ZNF324: variants seen among roughly 807,000 people sequenced by gnomAD.
ZNF324 encodes the protein zinc finger protein 324.
In ZNF324, 3 loss-of-function variants were observed where a neutral mutation model predicts 10.3. That is an observed-to-expected ratio of 0.29 (90% CI 0.13 to 0.75). ZNF324 has a LOEUF of 0.75. ZNF324 is among the 30% of genes least tolerant of loss of function. ZNF324 has a pLI of 0.69. For missense variants in ZNF324, 763 were observed against 784.4 expected (o/e 0.97, Z 0.33); for synonymous variants, 430 against 339.5 (o/e 1.27, Z -2.93).
chr19:58,469,324 C>G lies in ZNF324; in HGVS notation c.121+18C>G. On this transcript the variant is annotated intron_variant, in intron 2 of 3. Transcript: ENST00000196482. ...CTCGCTGGGTAAGGTCCTAGATACTCCATGAAATGGGCAACTGATAACAAG... is the reference window on the plus strand; with the variant it reads ...CTCGCTGGGTAAGGTCCTAGATACTGCATGAAATGGGCAACTGATAACAAG... 1 of 1,609,836 alleles carries G rather than the reference C, an allele frequency of 6.2e-7. No individual in the cohort carries two copies. Among genetic ancestry groups the G allele is most frequent in the Non-Finnish European group, 8.5e-7 (1 of 1,178,034 alleles).
chr19:58,470,565 G>A (rs1204719623), intron 3 of ZNF324, 166 bp from the exon 4 acceptor site: 5 of 824,086 alleles, frequency 6.1e-6, no homozygotes, highest in Non-Finnish European at 1.0e-5. Context: ...TATCAGGGCA[G>A]ATTGTTCCTC....
chr19:58,470,655 T>C, intron 3 of ZNF324, 76 bp from the exon 4 acceptor site: 2 of 1,589,810 alleles, frequency 1.3e-6, no homozygotes, highest in Non-Finnish European at 1.7e-6. Context: ...GGGTTCCTTC[T>C]TGCCTGTCCA....
In ZNF324 at chr19:58,469,211, A is replaced by G; in HGVS notation, c.26A>G (p.Tyr9Cys). Reference protein sequence around the residue: MAFEDVAVYFSQEEWGLLD... With the variant: MAFEDVAVCFSQEEWGLLD... ...ATGGCCTTTGAGGATGTGGCTGTGTACTTCTCCCAGGAGGAGTGGGGGCTC... is the reference window on the plus strand; with the variant it reads ...ATGGCCTTTGAGGATGTGGCTGTGTGCTTCTCCCAGGAGGAGTGGGGGCTC... Residue 9 changes from tyrosine to cysteine, a missense_variant, in exon 2 of 4, where the codon TAC becomes TGC. Tyr to Cys is a radical substitution (Grantham distance 194). Coordinates refer to ENST00000196482, the MANE Select transcript of ZNF324 (RefSeq NM_014347.3). The G allele has an allele frequency of 6.2e-7, 1 of 1,614,092 alleles. No individual in the cohort carries two copies. The highest frequency in any genetic ancestry group is 2.2e-5 in the East Asian group (1 of 44,856).
Position 58,470,725 on chromosome 19 carries a change from C to T in ZNF324, c.239-6C>T, listed in dbSNP as rs772931807. 8 of 1,611,624 alleles carry T rather than the reference C, an allele frequency of 5.0e-6. No homozygotes were observed. The highest frequency in any genetic ancestry group is 6.8e-6 in the Non-Finnish European group (8 of 1,179,860). ...CCCCAGGCAACCACTGTTTCTCTGC[C>T]TTTAGGTTCCTGGAGTTTGACAGAG... On this transcript the variant is annotated splice_polypyrimidine_tract_variant and splice_region_variant and intron_variant, in intron 3 of 3. Transcript: ENST00000196482.
chr19:58,472,444 AGCACT>A lies in ZNF324; in HGVS notation c.*297_*301del, dbSNP rs1459975485. On this transcript the variant is annotated 3_prime_UTR_variant, in exon 4 of 4. Coordinates refer to ENST00000196482, the MANE Select transcript of ZNF324 (RefSeq NM_014347.3). ...GAGCCAGTAGGAGGCCGACAGTCAC[AGCACT>A]GCACTGTGGTGCGGCTTCATGTGAT... is the stretch of plus-strand genomic sequence containing the variant. The A allele has an allele frequency of 2.2e-6, 1 of 460,724 alleles. No individual in the cohort carries two copies. Among genetic ancestry groups the A allele is most frequent in the African/African-American group, 1.9e-5 (1 of 51,664 alleles). The allele number at this position is 460,724 out of a possible 1,614,324, so 28.5% of individuals were successfully genotyped here.
In ZNF324 at chr19:58,472,383, G is replaced by C; in HGVS notation, c.*229G>C. ...ACTGCAGCAACATCAGGGGGAGGAC[G>C]TGGTGGCTGAACTCTAGTGGGGCCG... On this transcript the variant is annotated 3_prime_UTR_variant, in exon 4 of 4. Transcript: ENST00000196482. The C allele has an allele frequency of 1.8e-6, 1 of 561,668 alleles. No homozygotes were observed. The highest frequency in any genetic ancestry group is 3.1e-6 in the Non-Finnish European group (1 of 319,318). The allele number at this position is 561,668 out of a possible 1,614,324, so 34.8% of individuals were successfully genotyped here.
In ZNF324 at chr19:58,471,005, C is replaced by T. The variant is rs146787311; in HGVS notation, c.513C>T (p.Gly171=). ...CCTCCCCGCTTAGGCCTCCCGAGGG[C>T]GTCCGGCTTAGAGAAAAGACACTCA... The part of the protein sequence containing the change: ...RLTSPLRPPE[G]VRLREKTLTE... The change falls in exon 4 of 4, where the codon GGC becomes GGT. Residue 171 remains glycine (G), a synonymous_variant. Coordinates refer to ENST00000196482, the MANE Select transcript of ZNF324 (RefSeq NM_014347.3). 2.4e-5 allele frequency: 38 copies of T among 1,614,182 alleles called. No individual in the cohort carries two copies. The African/African-American group carries it at 4.5e-4, about 19-fold the overall frequency.
chr19:58,470,324 C>G (rs1330737956), intron 3 of ZNF324, among the ~76,000 whole-genome samples: 1 of 143,222 alleles, frequency 7.0e-6, no homozygotes, highest in African/African-American at 2.6e-5. Flanking sequence ...GGAGTATAGT[C>G]TAGAGCACTG....
At position 58,472,159 on chromosome 19, in the gene ZNF324, A is replaced by G. The variant is rs778712737; in HGVS notation, c.*5A>G. 6.4e-7 allele frequency: 1 copy of G among 1,567,750 alleles called. No individual in the cohort carries two copies. On this transcript the variant is annotated 3_prime_UTR_variant, in exon 4 of 4. Transcript: ENST00000196482. The stretch of plus-strand genomic sequence containing the variant: ...TCGCAGCCAGCGGAGGTCTGAGGTC[A>G]CAGGTTGCAGCCCTGGCCTTCTGTG...
Position 58,471,995 on chromosome 19 carries a change from G to T in ZNF324, c.1503G>T (p.Arg501Ser), listed in dbSNP as rs750707724. 1 of 1,608,586 alleles carries T rather than the reference G, an allele frequency of 6.2e-7. No individual in the cohort carries two copies. The highest frequency in any genetic ancestry group is 1.7e-5 in the Admixed American group (1 of 60,020). Residue 501 changes from arginine (R) to serine (S), a missense_variant, in exon 4 of 4, where the codon AGG (arginine) becomes AGT (serine). This residue lies in a region of ZNF324 where 231 missense variants were observed against 196.0 expected (regional missense o/e 1.18). Transcript: ENST00000196482. The stretch of plus-strand genomic sequence containing the variant: ...GCCCGGCCCTCTTCCACCACCAGAG[G>T]ATCCATACCGGCGAGAAGACCGTCC... ...RERPALFHHQ[R>S]IHTGEKTVRR...
chr19:58,469,108 G>A lies in ZNF324; in HGVS notation c.-6-72G>A, dbSNP rs1458169237. ...CCCAAGACAATTCTTCTTCCAATGT[G>A]GCCCAGGGAAGCCAAAAGATTGGAT... On this transcript the variant is annotated intron_variant, in intron 1 of 3. Transcript: ENST00000196482. 1.3e-5 allele frequency: 20 copies of A among 1,594,816 alleles called. No homozygotes were observed. The highest frequency in any genetic ancestry group is 3.4e-5 in the Admixed American group (2 of 59,492).
In ZNF324 at chr19:58,472,470, G is replaced by A. The variant is rs896874971; in HGVS notation, c.*316G>A. 1.7e-5 allele frequency: 6 copies of A among 357,792 alleles called. No individual in the cohort carries two copies. Among genetic ancestry groups the A allele is most frequent in the African/African-American group, 6.1e-5 (3 of 48,886 alleles). The allele number at this position is 357,792 out of a possible 1,614,324, so 22.2% of individuals were successfully genotyped here. On this transcript the variant is annotated 3_prime_UTR_variant, in exon 4 of 4. Coordinates refer to ENST00000196482, the MANE Select transcript of ZNF324 (RefSeq NM_014347.3). ...GCACTGCACTGTGGTGCGGCTTCAT[G>A]TGATATGACAGTGGATGCTAAGGTG...
In ZNF324 at chr19:58,472,068, G is replaced by A. The variant is rs2053040450; in HGVS notation, c.1576G>A (p.Ala526Thr). 1.2e-6 allele frequency: 2 copies of A among 1,603,684 alleles called. No individual in the cohort carries two copies. Among genetic ancestry groups the A allele is most frequent in the Non-Finnish European group, 8.5e-7 (1 of 1,177,600 alleles). ...CCCCCAGGCCAGGTCTGTTGCCGGG[G>A]CATCATCAGAAGGTGCGCCAGCGAA... ...LHPQARSVAG[A>T]SSEGAPAKET... Residue 526 changes from alanine (A) to threonine (T), a missense_variant, in exon 4 of 4, where the codon GCA (alanine) becomes ACA (threonine). Ala to Thr is a moderately conservative substitution (Grantham distance 58). Around this residue, in one of 3 missense-constraint regions of ZNF324, gnomAD observed 231 missense variants for 196.0 expected, o/e 1.18. Coordinates refer to ENST00000196482, the MANE Select transcript of ZNF324 (RefSeq NM_014347.3).
intron 3 of ZNF324, chr19:58,470,491 A>G (rs1237725566): frequency 4.7e-6 from 3 of 635,134 alleles, no homozygotes; most frequent in East Asian, 2.8e-5. Context: ...TCAGCTTCAC[A>G]TCCTGGGTGT....
At position 58,471,126 on chromosome 19, in the gene ZNF324, G is replaced by A; in HGVS notation, c.634G>A (p.Asp212Asn). 1 of 1,613,896 alleles carries A rather than the reference G, an allele frequency of 6.2e-7. No homozygotes were observed. Among genetic ancestry groups the A allele is most frequent in the East Asian group, 2.2e-5 (1 of 44,888 alleles). The change falls in exon 4 of 4, where the codon GAC (aspartate) becomes AAC (asparagine). Residue 212 changes from aspartate (D) to asparagine (N), a missense_variant. This residue lies in a region of ZNF324 where 379 missense variants were observed against 319.4 expected (regional missense o/e 1.19). Transcript: ENST00000196482. ...TGGGAGAACCTTTGGGAGCGCCCAG[G>A]ACCTGGAGGCTGCCGGCGGTCGGGG... Reference protein sequence around the residue: ...VPGRTFGSAQDLEAAGGRGHH... With the variant: ...VPGRTFGSAQNLEAAGGRGHH...
chr19:58,471,777 C>G lies in ZNF324; in HGVS notation c.1285C>G (p.Gln429Glu). The G allele has an allele frequency of 1.2e-6, 2 of 1,613,028 alleles. No homozygotes were observed. The highest frequency in any genetic ancestry group is 1.3e-5 in the African/African-American group (1 of 75,046). The part of the protein sequence containing the change: ...HTGEKPFACP[Q>E]CGRAFSHSSN... ...AGGCGAGAAGCCCTTCGCCTGCCCA[C>G]AGTGCGGCCGCGCCTTTAGCCACAG... is the stretch of plus-strand genomic sequence containing the variant. The change falls in exon 4 of 4, where the codon CAG (glutamine) becomes GAG (glutamate). Residue 429 changes from glutamine (Q) to glutamate (E), a missense_variant. This residue lies in a region of ZNF324 where 231 missense variants were observed against 196.0 expected (regional missense o/e 1.18). Transcript: ENST00000196482.
At chr19:58,467,625 G>A (rs1359803202) in intron 1 of ZNF324, 2 of 152,340 alleles carry the variant, frequency 1.3e-5, no homozygotes, top group Non-Finnish European at 2.9e-5. Context: ...GGGTTGCGGG[G>A]GTCAGTGCAA....
At chr19:58,469,507 G>A (rs762419699) in intron 2 of ZNF324, among the ~76,000 whole-genome samples, 11 of 152,254 alleles carry the variant, frequency 7.2e-5, no homozygotes, top group Admixed American at 2.0e-4. Context: ...TGGCCTCTCC[G>A]AGCCTTGGCT....
chr19:58,470,585 G>C, intron 3 of ZNF324, 146 bp from the exon 4 acceptor site: 3 of 966,988 alleles, frequency 3.1e-6, no homozygotes, highest in Non-Finnish European at 4.9e-6. Context: ...CCAAACCCCA[G>C]CCCCTCCTGC....
Sources: gnomAD v4.1 joint callset for allele counts (sites outside exome capture counted in the v4.1 genomes callset) on GRCh38, gnomAD v4.1.1 for gene constraint, gnomAD v4.1.1 regional missense constraint, MANE v1.5 for transcripts, NCBI Gene and HGNC (gene_info 2026-07-23, HGNC 2026-07-21) for gene names.